Variants in DYRK1A observed in about 807,000 individuals in gnomAD.
DYRK1A encodes the protein dual specificity tyrosine-phosphorylation-regulated kinase 1A.
DYRK1A carries 9 observed loss-of-function variants against 79.7 expected under a neutral mutation model. The observed-to-expected ratio is 0.11, with a 90% CI of 0.07 to 0.20. DYRK1A has a LOEUF of 0.20. Among genes scored for constraint, DYRK1A ranks in the 10% least tolerant of loss-of-function variants. The probability of loss-of-function intolerance (pLI) is 1.00; values close to 1 mark genes in which losing one functional copy is unlikely to be tolerated. For missense variants in DYRK1A, 622 were observed against 956.0 expected (o/e 0.65, Z 4.61); for synonymous variants, 349 against 329.7 (o/e 1.06, Z -0.63).
At chr21:37,388,825 T>C (rs552465204) in intron 1 of DYRK1A, among the ~76,000 whole-genome samples, 69 of 151,998 alleles carry the variant, frequency 4.5e-4, no homozygotes, top group Admixed American at 4.3e-3. Flanking sequence ...TTTGTATTTT[T>C]AGTAGAGACG....
intron 1 of DYRK1A, among the ~76,000 whole-genome samples, chr21:37,388,230 A>T (rs1197514125): frequency 3.5e-5 from 5 of 140,896 alleles, no homozygotes. Context: ...CTATAGGCAC[A>T]TACCACCTTG....
chr21:37,398,965 C>T (rs1176425934), intron 1 of DYRK1A, among the ~76,000 whole-genome samples: 1 of 146,950 alleles, frequency 6.8e-6, no homozygotes, highest in Non-Finnish European at 1.5e-5. Context: ...GAGGACTCTT[C>T]TTTCTACCCT....
intron 2 of DYRK1A, among the ~76,000 whole-genome samples, chr21:37,438,572 T>C (rs566423282): frequency 1.3e-4 from 20 of 152,302 alleles, no homozygotes; most frequent in African/African-American, 4.8e-4. Context: ...GAACCATTTG[T>C]CAAAAGGACT....
chr21:37,440,334 A>G (rs1244393833), intron 2 of DYRK1A, among the ~76,000 whole-genome samples: 1 of 150,812 alleles, frequency 6.6e-6, no homozygotes, highest in Non-Finnish European at 1.5e-5. Context: ...ACAGGGTTTC[A>G]CCATGCTGAT....
chr21:37,374,583 C>G (rs868347057), intron 1 of DYRK1A, among the ~76,000 whole-genome samples: 1 of 151,726 alleles, frequency 6.6e-6, no homozygotes, highest in Non-Finnish European at 1.5e-5. Context: ...GACAGAGTCT[C>G]GCTCTGTCGC....
chr21:37,452,889 C>A (rs111823231), intron 2 of DYRK1A, among the ~76,000 whole-genome samples: 1 of 151,804 alleles, frequency 6.6e-6, no homozygotes, highest in Admixed American at 6.6e-5. Flanking sequence ...TGGAACAGCA[C>A]TGCCAATAGA....
chr21:37,382,456 T>G (rs922549288), intron 1 of DYRK1A, among the ~76,000 whole-genome samples: 4 of 152,114 alleles, frequency 2.6e-5, no homozygotes, highest in Admixed American at 1.3e-4. Flanking sequence ...ACTTATTTAT[T>G]TATAATTTCT....
chr21:37,513,857 C>T lies in DYRK1A; in HGVS notation c.*1326C>T, dbSNP rs892699888. Reference sequence around the variant, plus strand: ...TTTTATAGCACATAGATGTCTGTAACCAATAATGTAGCAGTTCTGCACTTT... The same window carrying T: ...TTTTATAGCACATAGATGTCTGTAATCAATAATGTAGCAGTTCTGCACTTT... On this transcript the variant is annotated 3_prime_UTR_variant, in exon 12 of 12. Coordinates refer to ENST00000647188, the MANE Select transcript of DYRK1A (RefSeq NM_001347721.2). 2 of 152,502 alleles carry T rather than the reference C, an allele frequency of 1.3e-5. No individual in the cohort carries two copies. Among genetic ancestry groups the T allele is most frequent in the Non-Finnish European group, 2.9e-5 (2 of 68,030 alleles). 9.4% of individuals were successfully genotyped at this position (152,502 alleles called of 1,614,324 possible). A position where few individuals can be genotyped will look rare whatever the true frequency, so the allele number is the denominator to read the frequency against.
intron 5 of DYRK1A, among the ~76,000 whole-genome samples, chr21:37,483,190 G>C (rs2052719576): frequency 6.6e-6 from 1 of 152,234 alleles, no homozygotes; most frequent in Non-Finnish European, 1.5e-5. Flanking sequence ...AGAGATTGCA[G>C]TAAAGACAGG....
intron 1 of DYRK1A, among the ~76,000 whole-genome samples, chr21:37,369,467 C>T (rs778759235): frequency 1.3e-5 from 2 of 152,144 alleles, no homozygotes; most frequent in African/African-American, 4.8e-5. Flanking sequence ...AGGATTTTCC[C>T]TGGTATAGCA....
intron 8 of DYRK1A, among the ~76,000 whole-genome samples, chr21:37,494,093 T>C (rs1418080680): frequency 6.6e-6 from 1 of 152,020 alleles, no homozygotes; most frequent in Non-Finnish European, 1.5e-5. Flanking sequence ...TGTTTCACCA[T>C]GTTGGCCAGG....
At position 37,524,424 on chromosome 21, in the gene DYRK1A, T is replaced by C. The variant is rs1023789081; in HGVS notation, c.*11893T>C. On this transcript the variant is annotated 3_prime_UTR_variant, in exon 12 of 12. Coordinates refer to ENST00000647188, the MANE Select transcript of DYRK1A (RefSeq NM_001347721.2). Reference sequence around the variant, plus strand: ...TATTCACAAAAATAAAAAATGAAAATGAAGCTACAACCAAAGTAAGTTTCA... The same window carrying C: ...TATTCACAAAAATAAAAAATGAAAACGAAGCTACAACCAAAGTAAGTTTCA... 2.0e-5 allele frequency: 3 copies of C among 152,108 alleles called. No individual in the cohort carries two copies. Among genetic ancestry groups the C allele is most frequent in the Non-Finnish European group, 2.9e-5 (2 of 68,012 alleles). The allele number at this position is 152,108 out of a possible 1,614,324, so 9.4% of individuals were successfully genotyped here. A position where few individuals can be genotyped will look rare whatever the true frequency, so the allele number is the denominator to read the frequency against.
chr21:37,506,349 G>A (rs977996299), intron 11 of DYRK1A, 126 bp downstream of exon 11: 9 of 1,573,360 alleles, frequency 5.7e-6, no homozygotes, highest in Non-Finnish European at 7.8e-6. Flanking sequence ...TCCTGTCTAA[G>A]GAAATGTAAG....
intron 2 of DYRK1A, among the ~76,000 whole-genome samples, chr21:37,435,672 A>G (rs906966312): frequency 6.6e-6 from 1 of 152,228 alleles, no homozygotes; most frequent in Non-Finnish European, 1.5e-5. Context: ...TTTTCAGATC[A>G]GAAACAGTAC....
chr21:37,366,932 A>G lies in DYRK1A; in HGVS notation c.-773A>G. On this transcript the variant is annotated 5_prime_UTR_variant, in exon 1 of 12. Coordinates refer to ENST00000647188, the MANE Select transcript of DYRK1A (RefSeq NM_001347721.2). ...GAGACTGCTGCTGTCGCTGCTGCTG[A>G]TCGCGGCCCAGGTCGGCCTCAGAGA... 1 of 155,150 alleles carries G rather than the reference A, an allele frequency of 6.4e-6. No homozygotes were observed. Among genetic ancestry groups the G allele is most frequent in the Non-Finnish European group, 1.4e-5 (1 of 69,684 alleles). The allele number at this position is 155,150 out of a possible 1,614,324, so 9.6% of individuals were successfully genotyped here.
At chr21:37,415,992 A>G (rs1201832093) in intron 1 of DYRK1A, among the ~76,000 whole-genome samples, 3 of 152,130 alleles carry the variant, frequency 2.0e-5, no homozygotes, top group African/African-American at 7.2e-5. Context: ...GGGTTCTTGC[A>G]TCTCTGTATT....
chr21:37,415,808 A>G (rs550605388), intron 1 of DYRK1A, among the ~76,000 whole-genome samples: 1 of 152,180 alleles, frequency 6.6e-6, no homozygotes, highest in Non-Finnish European at 1.5e-5. Flanking sequence ...AATCTGTTAT[A>G]TGCTGGAATC....
At chr21:37,386,044 G>A (rs1392683587) in intron 1 of DYRK1A, among the ~76,000 whole-genome samples, 1 of 152,042 alleles carries the variant, frequency 6.6e-6, no homozygotes, top group Non-Finnish European at 1.5e-5. Context: ...AGCCAGTAAG[G>A]TACTGTTTTC....
chr21:37,510,050 G>T (rs1403179674), intron 11 of DYRK1A, among the ~76,000 whole-genome samples: 1 of 152,202 alleles, frequency 6.6e-6, no homozygotes. Context: ...AGTATATAGA[G>T]GGTTTAGTCC....
Sources: gnomAD v4.1 joint callset for allele counts (sites outside exome capture counted in the v4.1 genomes callset) on GRCh38, gnomAD v4.1.1 for gene constraint, MANE v1.5 for transcripts, NCBI Gene and HGNC (gene_info 2026-07-23, HGNC 2026-07-21) for gene names.